The following DOCK3 variants were observed in gnomAD, a reference collection of about 807,000 sequenced individuals.
DOCK3 encodes dedicator of cytokinesis 3.
Under a neutral mutation model 265.6 loss-of-function variants are expected in DOCK3, and 60 were observed. That is an observed-to-expected ratio of 0.23 (90% CI 0.18 to 0.28). The LOEUF (loss-of-function observed/expected upper bound fraction) is 0.28. Ranked by LOEUF, DOCK3 falls within the 10% of genes least tolerant of loss-of-function variation. The pLI is 1.00. For synonymous variants in DOCK3, 881 were observed against 938.0 expected, an observed-to-expected ratio of 0.94 and a Z score of 1.11; for missense variants, 1,981 against 2,594.3, an observed-to-expected ratio of 0.76 and a Z score of 5.14.
Position 50,886,208 on chromosome 3 carries a change from A to ATATATG in DOCK3, c.163-3817_163-3816insATATGT, listed in dbSNP as rs1399056611. 2.1e-3 allele frequency among the ~76,000 whole-genome samples: 285 copies of ATATATG among 136,912 alleles called. 9 individuals carry two copies. The highest frequency in any genetic ancestry group is 3.7e-3 in the Non-Finnish European group (226 of 60,502). The allele number at this position is 136,912 out of a possible 152,430, so 89.8% of individuals were successfully genotyped here. ...TGGAGATATATATATATATATATAT[A>ATATATG]TTCCAGAGTTTTTAGGTATGCACTA... On this transcript the variant is annotated intron_variant, in intron 3 of 52. Coordinates refer to ENST00000266037, the MANE Select transcript of DOCK3 (RefSeq NM_004947.5).
At position 50,804,370 on chromosome 3, in the gene DOCK3, T is replaced by C. The variant is rs1408509978; in HGVS notation, c.121+25612T>C. On this transcript the variant is annotated intron_variant, in intron 2 of 52. Transcript: ENST00000266037. ...GGCAGAGGCTGCAATCTCGGCACTT[T>C]GGGAGGCCAAGGCAGGCGGCTGGGA... Among the ~76,000 whole-genome samples the C allele has an allele frequency of 2.0e-5, 3 of 151,958 alleles. No individual in the cohort carries two copies. The East Asian group carries it at 5.8e-4, about 29-fold the overall frequency.
chr3:50,827,972 G>C (rs2107045482), intron 2 of DOCK3, among the ~76,000 whole-genome samples: 1 of 149,540 alleles, frequency 6.7e-6, no homozygotes, highest in Non-Finnish European at 1.5e-5. Context: ...TTGAGATGGA[G>C]TCTTGCTCTG....
intron 10 of DOCK3, among the ~76,000 whole-genome samples, chr3:51,157,371 G>A (rs997112539): frequency 2.0e-5 from 3 of 151,908 alleles, no homozygotes; most frequent in Non-Finnish European, 2.9e-5. Flanking sequence ...TCAGCCTCCC[G>A]AGTAGCTGGG....
At chr3:50,745,087 G>C (rs1021436507) in intron 1 of DOCK3, among the ~76,000 whole-genome samples, 1 of 152,062 alleles carries the variant, frequency 6.6e-6, no homozygotes, top group Non-Finnish European at 1.5e-5. Context: ...TTTTCTCTCT[G>C]TAAAAAATGT....
chr3:51,274,943 A>G, intron 24 of DOCK3, 136 bp from the exon 25 acceptor site: 1 of 977,054 alleles, frequency 1.0e-6, no homozygotes, highest in South Asian at 1.5e-5. Flanking sequence ...TTGTAAGGTA[A>G]GGAGATTACC....
intron 19 of DOCK3, among the ~76,000 whole-genome samples, chr3:51,233,532 A>AT (rs1360577147): frequency 1.3e-5 from 2 of 151,380 alleles, no homozygotes; most frequent in African/African-American, 4.8e-5. Flanking sequence ...CGCCTGGCTA[A>AT]TTTTTTTTGT....
In DOCK3 at chr3:50,675,724, A is replaced by G. The variant is rs1005833028; in HGVS notation, c.37+424A>G. ...CTGTTTATTTTTGATCTGGAACCTTACAAGAAAACGGATGAAAAACGTTGA... is the reference window on the plus strand; with the variant it reads ...CTGTTTATTTTTGATCTGGAACCTTGCAAGAAAACGGATGAAAAACGTTGA... On this transcript the variant is annotated intron_variant, in intron 1 of 52. Coordinates refer to ENST00000266037, the MANE Select transcript of DOCK3 (RefSeq NM_004947.5). This position sits in a 1 kb window ranked among gnomAD's most constrained non-coding sequence, Gnocchi z 6.1. Among the ~76,000 whole-genome samples, 6 of 152,220 alleles carry G rather than the reference A, an allele frequency of 3.9e-5. No homozygotes were observed. Among genetic ancestry groups the G allele is most frequent in the African/African-American group, 1.2e-4 (5 of 41,454 alleles).
chr3:51,258,142 T>C (rs1345614848), intron 22 of DOCK3, among the ~76,000 whole-genome samples: 1 of 152,240 alleles, frequency 6.6e-6, no homozygotes, highest in East Asian at 1.9e-4. Context: ...TCTGCCTCCC[T>C]GAAACTGGTG....
intron 49 of DOCK3, among the ~76,000 whole-genome samples, chr3:51,366,097 G>A (rs1220852224): frequency 6.6e-6 from 1 of 152,178 alleles, no homozygotes; most frequent in African/African-American, 2.4e-5. Flanking sequence ...GTCGAATTCG[G>A]CTGTGAATCC....
intron 5 of DOCK3, among the ~76,000 whole-genome samples, chr3:51,041,189 T>C (rs1476081300): frequency 1.2e-4 from 2 of 16,984 alleles, no homozygotes; most frequent in Non-Finnish European, 2.2e-4. Flanking sequence ...TATATATATA[T>C]ATATATATAT....
At chr3:51,114,041 C>T (rs985501822) in intron 9 of DOCK3, among the ~76,000 whole-genome samples, 1 of 151,378 alleles carries the variant, frequency 6.6e-6, no homozygotes, top group South Asian at 2.1e-4. Context: ...CCCTGGAGGT[C>T]GAGGTTGCAG....
intron 12 of DOCK3, among the ~76,000 whole-genome samples, chr3:51,180,995 A>G (rs2087258798): frequency 6.6e-6 from 1 of 152,212 alleles, no homozygotes; most frequent in Admixed American, 6.5e-5. Flanking sequence ...CCTCAGTGTT[A>G]CAGAAACCTG....
chr3:50,872,589 G>A (rs892303681), intron 3 of DOCK3, among the ~76,000 whole-genome samples: 28 of 152,342 alleles, frequency 1.8e-4, no homozygotes, highest in African/African-American at 6.3e-4. Flanking sequence ...ATGAGCAGCT[G>A]GCAAAGCCAG....
chr3:50,712,953 A>G (rs2107933963), intron 1 of DOCK3, among the ~76,000 whole-genome samples: 2 of 152,320 alleles, frequency 1.3e-5, no homozygotes, highest in East Asian at 3.9e-4. Flanking sequence ...CCTAAAACAG[A>G]CAATGTTTTG....
chr3:50,675,166 C>A lies in DOCK3; in HGVS notation c.-98C>A. The A allele has an allele frequency of 1.1e-6, 1 of 903,452 alleles. No homozygotes were observed. Among genetic ancestry groups the A allele is most frequent in the Non-Finnish European group, 1.4e-6 (1 of 739,818 alleles). The allele number at this position is 903,452 out of a possible 1,614,324, so 56.0% of individuals were successfully genotyped here. Reference sequence around the variant, plus strand: ...CACTGCCCCGCGCCGCCTGACCGTCCCCGCCTCGACTCGCGGTGCGCCACA... The same window carrying A: ...CACTGCCCCGCGCCGCCTGACCGTCACCGCCTCGACTCGCGGTGCGCCACA... On this transcript the variant is annotated 5_prime_UTR_variant, in exon 1 of 53. Coordinates refer to ENST00000266037, the MANE Select transcript of DOCK3 (RefSeq NM_004947.5). The surrounding 1 kb of genome is among the most constrained non-coding windows in gnomAD (Gnocchi z 6.1).
chr3:51,227,324 C>T lies in DOCK3; in HGVS notation c.1419C>T (p.Ser473=), dbSNP rs763865744. The stretch of plus-strand genomic sequence containing the variant: ...GTTCAGGAGAGCCAAATAGGAGTTC[C>T]TACCACTCCTTTGTCCTCTACCACA... ...SLGSGEPNRS[S]YHSFVLYHSN... The change falls in exon 16 of 53, where the codon TCC becomes TCT. Residue 473 remains serine, a synonymous_variant. Coordinates refer to ENST00000266037, the MANE Select transcript of DOCK3 (RefSeq NM_004947.5). 1 of 1,613,882 alleles carries T rather than the reference C, an allele frequency of 6.2e-7. No individual in the cohort carries two copies. The highest frequency in any genetic ancestry group is 1.1e-5 in the South Asian group (1 of 91,076).
At chr3:50,737,118 G>A (rs2038685436) in intron 1 of DOCK3, among the ~76,000 whole-genome samples, 1 of 152,090 alleles carries the variant, frequency 6.6e-6, no homozygotes, top group African/African-American at 2.4e-5. Context: ...TGTCAGATGA[G>A]TAGATTGCAA....
intron 1 of DOCK3, among the ~76,000 whole-genome samples, chr3:50,766,261 A>T (rs1452839167): frequency 7.3e-6 from 1 of 136,586 alleles, no homozygotes; most frequent in Non-Finnish European, 1.6e-5. Flanking sequence ...TCCTAATGCT[A>T]TCCCTCCCCC....
At chr3:51,068,496 C>T (rs1225169284) in intron 6 of DOCK3, among the ~76,000 whole-genome samples, 4 of 141,728 alleles carry the variant, frequency 2.8e-5, no homozygotes, top group Admixed American at 1.5e-4. Flanking sequence ...GCCGAGGTTG[C>T]GCCACTGCAC....
Sources: gnomAD v4.1 joint callset for allele counts (sites outside exome capture counted in the v4.1 genomes callset) on GRCh38, gnomAD v4.1.1 for gene constraint, Gnocchi (gnomAD v3.1) non-coding constraint, MANE v1.5 for transcripts, NCBI Gene and HGNC (gene_info 2026-07-23, HGNC 2026-07-21) for gene names.